The following MTMR14 variants were observed in gnomAD, a reference collection of about 807,000 sequenced individuals.
MTMR14 encodes the protein myotubularin related protein 14.
In MTMR14, 48 loss-of-function variants were observed where a neutral mutation model predicts 86.3. That is an observed-to-expected ratio of 0.56 (90% confidence interval 0.44 to 0.71). MTMR14 has a LOEUF of 0.71. Ranked by LOEUF, MTMR14 falls within the 30% of genes least tolerant of loss-of-function variation. The pLI is 0.00. For synonymous variants in MTMR14, 366 were observed against 326.1 expected, an observed-to-expected ratio of 1.12 and a Z score of -1.32; for missense variants, 780 against 834.6, an observed-to-expected ratio of 0.93 and a Z score of 0.81.
intron 15 of MTMR14, 53 bp downstream of exon 15, chr3:9,688,807 C>T: frequency 1.9e-6 from 3 of 1,609,408 alleles, no homozygotes; most frequent in Non-Finnish European, 2.6e-6. Context: ...TTCCCGTGTA[C>T]AGATCAGGCA....
intron 7 of MTMR14, among the ~76,000 whole-genome samples, chr3:9,675,999 AT>A (rs1377052120): frequency 6.6e-6 from 1 of 152,166 alleles, no homozygotes; most frequent in African/African-American, 2.4e-5. Flanking sequence ...CAGGGTGTGT[AT>A]GGAATGAAAG....
chr3:9,666,974 G>A (rs2048290007), intron 3 of MTMR14, among the ~76,000 whole-genome samples: 1 of 152,210 alleles, frequency 6.6e-6, no homozygotes, highest in South Asian at 2.1e-4. Context: ...CCCCACTTGG[G>A]GACTTGGCCA....
chr3:9,681,738 T>G (rs534524544), intron 9 of MTMR14, among the ~76,000 whole-genome samples: 1 of 152,332 alleles, frequency 6.6e-6, no homozygotes, highest in African/African-American at 2.4e-5. Flanking sequence ...AGCAGTTCCC[T>G]CAGACTTCTG....
In MTMR14 at chr3:9,695,321, G is replaced by A. The variant is rs1372705405; in HGVS notation, c.1614-2390G>A. Among the ~76,000 whole-genome samples the A allele has an allele frequency of 2.0e-5, 3 of 152,166 alleles. No individual in the cohort carries two copies. The East Asian group carries it at 5.8e-4, about 29-fold the overall frequency. On this transcript the variant is annotated intron_variant, in intron 17 of 18. Transcript: ENST00000296003. ...ACCCCAGGAGCTGAATGGTCACTTT[G>A]TAGCCCTTCCTTTGACAAAGGCCTC... is the stretch of plus-strand genomic sequence containing the variant.
rs963573570 is a variant in MTMR14, at chr3:9,675,573, G to A, written c.752-1744G>A. ...AAAATAGATGGTCCCAAATTCTGCAGCACAAATCTAATTTGTTTCCTCCTT... is the reference window on the plus strand; with the variant it reads ...AAAATAGATGGTCCCAAATTCTGCAACACAAATCTAATTTGTTTCCTCCTT... On this transcript the variant is annotated intron_variant, in intron 7 of 18. Coordinates refer to ENST00000296003, the MANE Select transcript of MTMR14 (RefSeq NM_001077525.3). 5 of 457,288 alleles carry A rather than the reference G, an allele frequency of 1.1e-5. 1 individual carries two copies. In the Admixed American group the frequency reaches 1.2e-4, roughly 11 times the overall value. 28.3% of individuals were successfully genotyped at this position (457,288 alleles called of 1,614,324 possible).
chr3:9,652,806 A>G (rs1055766366), intron 1 of MTMR14, among the ~76,000 whole-genome samples: 2 of 152,152 alleles, frequency 1.3e-5, no homozygotes, highest in Non-Finnish European at 2.9e-5. Context: ...CCTGGCCAGC[A>G]TGGTGAAACC....
intron 17 of MTMR14, among the ~76,000 whole-genome samples, chr3:9,695,301 A>C (rs184087613): frequency 6.6e-6 from 1 of 152,314 alleles, no homozygotes; most frequent in East Asian, 1.9e-4. Flanking sequence ...TCTCAACCCC[A>C]GGAGCTGAAT....
chr3:9,683,095 A>G, intron 9 of MTMR14, 83 bp from the exon 10 acceptor site: 3 of 1,350,988 alleles, frequency 2.2e-6, no homozygotes, highest in Non-Finnish European at 3.1e-6. Context: ...TTGCCCCAGA[A>G]TAACTCTTGG....
intron 13 of MTMR14, among the ~76,000 whole-genome samples, chr3:9,685,818 G>A (rs946741109): frequency 3.9e-5 from 6 of 152,060 alleles, no homozygotes; most frequent in Non-Finnish European, 7.4e-5. Context: ...GCCACTCTCC[G>A]CAGGCCTTAC....
In MTMR14 at chr3:9,649,810, GC is replaced by G. The variant is rs2047174302; in HGVS notation, c.159+70del. On this transcript the variant is annotated intron_variant, in intron 1 of 18. Transcript: ENST00000296003. Reference sequence around the variant, plus strand: ...GGGAAGTTACAGAGGAAAGGCTGAGGCCAGGGGTCAGAAAAAGGTAGGAGTG... The same window carrying G: ...GGGAAGTTACAGAGGAAAGGCTGAGGCAGGGGTCAGAAAAAGGTAGGAGTG... 5.8e-5 allele frequency: 92 copies of G among 1,594,270 alleles called. 1 individual carries two copies. In the South Asian group the frequency reaches 1.0e-3, roughly 17 times the overall value.
chr3:9,696,496 G>A (rs1226114016), intron 17 of MTMR14, among the ~76,000 whole-genome samples: 1 of 152,176 alleles, frequency 6.6e-6, no homozygotes, highest in Non-Finnish European at 1.5e-5. Context: ...TGGGCGACAA[G>A]AGCAGGGAAA....
At chr3:9,653,882 C>G (rs945315897) in intron 2 of MTMR14, 113 bp downstream of exon 2, 18 of 1,407,844 alleles carry the variant, frequency 1.3e-5, no homozygotes, top group Non-Finnish European at 1.0e-6. Flanking sequence ...AGGTGTTAAT[C>G]CTTATTGGCA....
intron 9 of MTMR14, among the ~76,000 whole-genome samples, chr3:9,681,852 T>TGGCCCTCTACCAGCCC (rs2075779203): frequency 1.3e-5 from 2 of 152,182 alleles, no homozygotes. Flanking sequence ...CGTGTGACCT[T>TGGCCCTCTACCAGCCC]GGCCCTCTAC....
In MTMR14 at chr3:9,688,713, C is replaced by A. The variant is rs754173649; in HGVS notation, c.1253C>A (p.Ala418Asp). 4.3e-6 allele frequency: 7 copies of A among 1,614,192 alleles called. No individual in the cohort carries two copies. In the South Asian group the frequency reaches 7.7e-5, roughly 18 times the overall value. ...ATTTCTAGGAGGAAGAGTTTGCCAG[C>A]CCGGGATGGAGGCTTCACCCTGGAA... ...LKTQRRKSLP[A>D]RDGGFTLEDI... Residue 418 changes from alanine (A) to aspartate (D), a missense_variant, in exon 15 of 19, where the codon GCC (alanine) becomes GAC (aspartate). Physicochemically the swap from Ala to Asp is moderately radical, Grantham distance 126. Transcript: ENST00000296003.
intron 5 of MTMR14, among the ~76,000 whole-genome samples, chr3:9,669,904 A>C (rs1377988831): frequency 6.6e-6 from 1 of 152,200 alleles, no homozygotes; most frequent in Non-Finnish European, 1.5e-5. Flanking sequence ...GCTACAGTCC[A>C]TACATAGGAG....
At chr3:9,689,718 G>A (rs2076077962) in intron 16 of MTMR14, among the ~76,000 whole-genome samples, 1 of 152,228 alleles carries the variant, frequency 6.6e-6, no homozygotes, top group Non-Finnish European at 1.5e-5. Flanking sequence ...TGACTGAAGA[G>A]TGAGGAATCA....
intron 7 of MTMR14, among the ~76,000 whole-genome samples, chr3:9,674,663 G>A (rs2048756027): frequency 6.6e-6 from 1 of 152,056 alleles, no homozygotes; most frequent in African/African-American, 2.4e-5. Context: ...TTTTGACATG[G>A]AAAACGTCAC....
intron 2 of MTMR14, among the ~76,000 whole-genome samples, chr3:9,655,664 C>T (rs6797736): frequency 6.6e-6 from 1 of 150,864 alleles, no homozygotes; most frequent in Admixed American, 6.6e-5. Context: ...GGTTTCACCA[C>T]GTTGGTCAGG....
At position 9,663,805 on chromosome 3, in the gene MTMR14, G is replaced by C. The variant is rs990164685; in HGVS notation, c.417+1430G>C. 7.3e-5 allele frequency among the ~76,000 whole-genome samples: 11 copies of C among 150,706 alleles called. 1 individual carries two copies. The highest frequency in any genetic ancestry group is 2.7e-4 in the African/African-American group (11 of 40,910). ...TGGGATTACAGGCGTGAGCCACCGC[G>C]CACGGCCTGGAGTCTCTTCTGTTGC... On this transcript the variant is annotated intron_variant, in intron 3 of 18. Transcript: ENST00000296003.
Sources: allele counts gnomAD v4.1 joint callset (sites outside exome capture counted in the v4.1 genomes callset), GRCh38; gene constraint gnomAD v4.1.1; transcripts MANE v1.5; gene names NCBI Gene and HGNC (gene_info 2026-07-23, HGNC 2026-07-21).